PPP2R2C: variants seen among roughly 807,000 people sequenced by gnomAD.
PPP2R2C encodes protein phosphatase 2 regulatory subunit Bgamma.
Under a neutral mutation model 45.3 loss-of-function variants are expected in PPP2R2C, and 10 were observed. The ratio of observed to expected loss-of-function variants is 0.22; its 90% CI spans 0.14 to 0.37. PPP2R2C has a LOEUF of 0.37. PPP2R2C is among the 10% of genes least tolerant of loss of function. The pLI is 1.00. For missense variants in PPP2R2C, 308 were observed against 619.7 expected (o/e 0.50, Z 5.34); for synonymous variants, 257 against 245.4 (o/e 1.05, Z -0.44).
At chr4:6,547,236 A>ACGCCCT (rs1291052243) in intron 1 of PPP2R2C, among the ~76,000 whole-genome samples, 10 of 152,006 alleles carry the variant, frequency 6.6e-5, no homozygotes, top group Non-Finnish European at 1.2e-4. Context: ...ACACTTCAGC[A>ACGCCCT]TGCATCTCTA....
At chr4:6,461,249 A>T (rs1456785791) in intron 1 of PPP2R2C, among the ~76,000 whole-genome samples, 1 of 152,146 alleles carries the variant, frequency 6.6e-6, no homozygotes, top group Non-Finnish European at 1.5e-5. Context: ...TCAGGGGTTG[A>T]GTGAGGGTGT....
chr4:6,387,060 A>T (rs1487830450), intron 1 of PPP2R2C, among the ~76,000 whole-genome samples: 6 of 152,274 alleles, frequency 3.9e-5, no homozygotes, highest in Admixed American at 1.3e-4. Context: ...AAGAATAGAG[A>T]GAAAAAAAAT....
chr4:6,540,490 G>A (rs1724773520), intron 1 of PPP2R2C, among the ~76,000 whole-genome samples: 1 of 152,188 alleles, frequency 6.6e-6, no homozygotes, highest in Admixed American at 6.5e-5. Context: ...TGGACATTTG[G>A]GTTGTTTTCA....
intron 1 of PPP2R2C, among the ~76,000 whole-genome samples, chr4:6,456,561 G>A (rs781712109): frequency 1.2e-4 from 18 of 152,222 alleles, no homozygotes; most frequent in Non-Finnish European, 1.9e-4. Context: ...GAAAGTCGGC[G>A]TAGGAACCAC....
intron 2 of PPP2R2C, among the ~76,000 whole-genome samples, chr4:6,488,178 C>A (rs1304808371): frequency 6.6e-6 from 1 of 152,156 alleles, no homozygotes; most frequent in African/African-American, 2.4e-5. Context: ...ACCTTGTCTG[C>A]TAATTTTAAC....
chr4:6,407,088 C>T (rs1251750930), intron 1 of PPP2R2C, among the ~76,000 whole-genome samples: 1 of 152,212 alleles, frequency 6.6e-6, no homozygotes, highest in Non-Finnish European at 1.5e-5. Flanking sequence ...CTGCAGGCTA[C>T]AGAGGGAACG....
At chr4:6,449,067 A>G (rs1192125869) in intron 1 of PPP2R2C, among the ~76,000 whole-genome samples, 1 of 152,186 alleles carries the variant, frequency 6.6e-6, no homozygotes, top group African/African-American at 2.4e-5. Context: ...AGAACCTGTC[A>G]GAAGGAAGGG....
Position 6,381,773 on chromosome 4 carries a change from A to G in PPP2R2C, c.71-679T>C, listed in dbSNP as rs746224170. ...AACCTCTCCTTATGGAGTCACCCCC[A>G]TACCTGGAGTCTTCAATGCCCAGGG... On this transcript the variant is annotated intron_variant, in intron 1 of 8. Transcript: ENST00000382599. 4 of 1,611,558 alleles carry G rather than the reference A, an allele frequency of 2.5e-6. No individual in the cohort carries two copies. The South Asian group carries it at 4.4e-5, about 18-fold the overall frequency.
At chr4:6,347,819 C>A in intron 6 of PPP2R2C, 27 bp downstream of exon 6, 1 of 1,578,324 alleles carries the variant, frequency 6.3e-7, no homozygotes, top group Non-Finnish European at 8.6e-7. Flanking sequence ...AATGCACAGC[C>A]CCCCACCCCC....
chr4:6,418,620 T>C (rs937167180), intron 1 of PPP2R2C, among the ~76,000 whole-genome samples: 13 of 152,226 alleles, frequency 8.5e-5, no homozygotes, highest in African/African-American at 2.9e-4. Flanking sequence ...GCTGAGCTGC[T>C]CTTCCCAAGC....
Position 6,526,598 on chromosome 4 carries a change from C to T in PPP2R2C, c.49+8673G>A, listed in dbSNP as rs1048897140. On this transcript the variant is annotated intron_variant, in intron 2 of 9. Coordinates refer to the PPP2R2C transcript ENST00000506140. Reference sequence around the variant, plus strand: ...CGCTCCATGTTGAGGGCACCCTGAGCGCAGTGCCTGCCTGGCCCTGGGCAG... The same window carrying T: ...CGCTCCATGTTGAGGGCACCCTGAGTGCAGTGCCTGCCTGGCCCTGGGCAG... Among the ~76,000 whole-genome samples, 4 of 152,342 alleles carry T rather than the reference C, an allele frequency of 2.6e-5. No individual in the cohort carries two copies. In the East Asian group the frequency reaches 5.8e-4, roughly 22 times the overall value.
At chr4:6,366,297 C>G (rs185130904) in intron 5 of PPP2R2C, among the ~76,000 whole-genome samples, 1 of 152,218 alleles carries the variant, frequency 6.6e-6, no homozygotes, top group Non-Finnish European at 1.5e-5. Context: ...CGCCAGGGCC[C>G]AAAGCCCGGG....
intron 1 of PPP2R2C, among the ~76,000 whole-genome samples, chr4:6,401,203 C>T (rs1427669447): frequency 2.0e-5 from 3 of 152,152 alleles, no homozygotes; most frequent in Admixed American, 2.0e-4. Context: ...GCCTGCCCCT[C>T]TGAGAAAAAC....
At chr4:6,463,675 C>G (rs1480188706) in intron 1 of PPP2R2C, among the ~76,000 whole-genome samples, 1 of 152,220 alleles carries the variant, frequency 6.6e-6, no homozygotes, top group East Asian at 1.9e-4. Context: ...AAGTGTTATG[C>G]CACTTTGCAC....
chr4:6,422,731 A>G (rs1348923568), intron 1 of PPP2R2C, among the ~76,000 whole-genome samples: 1 of 152,120 alleles, frequency 6.6e-6, no homozygotes, highest in Non-Finnish European at 1.5e-5. Flanking sequence ...CACCTTAATG[A>G]TCCAGTTTAA....
chr4:6,467,407 G>A (rs1041085807), intron 1 of PPP2R2C, among the ~76,000 whole-genome samples: 15 of 152,080 alleles, frequency 9.9e-5, no homozygotes, highest in Non-Finnish European at 1.8e-4. Flanking sequence ...CAGAGAGACC[G>A]TGTGACCTGC....
At chr4:6,475,719 G>A (rs896872540), upstream of PPP2R2C, among the ~76,000 whole-genome samples, 5 of 152,120 alleles carry the variant, frequency 3.3e-5, no homozygotes, top group South Asian at 2.1e-4. Context: ...TCCTTCTGAC[G>A]GCCCCACCAG....
chr4:6,477,040 G>T (rs577232444), upstream of PPP2R2C, among the ~76,000 whole-genome samples: 1 of 152,032 alleles, frequency 6.6e-6, no homozygotes, highest in East Asian at 2.0e-4. Flanking sequence ...GATTGCTTGA[G>T]CCCAGGAGTT....
chr4:6,394,877 C>G (rs954581203), intron 1 of PPP2R2C, among the ~76,000 whole-genome samples: 1 of 152,084 alleles, frequency 6.6e-6, no homozygotes, highest in African/African-American at 2.4e-5. Flanking sequence ...GTCCATCAGC[C>G]CCCTTCCCAG....
Sources: gnomAD v4.1 joint callset for allele counts (sites outside exome capture counted in the v4.1 genomes callset) on GRCh38, gnomAD v4.1.1 for gene constraint, MANE v1.5 for transcripts, NCBI Gene and HGNC (gene_info 2026-07-23, HGNC 2026-07-21) for gene names.